KHDRBS2: variants seen among roughly 807,000 people sequenced by gnomAD.
KHDRBS2 encodes KH domain-containing, RNA-binding, signal transduction-associated protein 2.
In KHDRBS2, 26 loss-of-function variants were observed where a neutral mutation model predicts 44.3. That is an observed-to-expected ratio of 0.59 (90% confidence interval 0.43 to 0.81). The LOEUF (loss-of-function observed/expected upper bound fraction) is 0.81, where lower values mean the gene tolerates loss of function less well. KHDRBS2 is among the 40% of genes least tolerant of loss of function. The pLI is 0.00. For missense variants in KHDRBS2, 476 were observed against 433.1 expected, an observed-to-expected ratio of 1.10 and a Z score of -0.88; for synonymous variants, 194 against 151.1, an observed-to-expected ratio of 1.28 and a Z score of -2.08.
intron 2 of KHDRBS2, among the ~76,000 whole-genome samples, chr6:62,065,515 C>T (rs1298060229): frequency 6.6e-6 from 1 of 150,796 alleles, no homozygotes; most frequent in African/African-American, 2.4e-5. Flanking sequence ...TCATCATTCT[C>T]AGTAAACTAT....
At chr6:61,872,042 T>C (rs1447708549) in intron 6 of KHDRBS2, among the ~76,000 whole-genome samples, 1 of 152,020 alleles carries the variant, frequency 6.6e-6, no homozygotes, top group Non-Finnish European at 1.5e-5. Context: ...TGTATGCCTG[T>C]GTAACAAAAC....
Position 61,995,433 on chromosome 6 carries a change from T to A in KHDRBS2, c.337-17221A>T, listed in dbSNP as rs58317296. ...ATTGGCTCAGCTAGGCTTTGAAGAA[T>A]GTCTGGGATTTAAAAATGAGCAGGG... On this transcript the variant is annotated intron_variant, in intron 3 of 8. Coordinates refer to ENST00000281156, the MANE Select transcript of KHDRBS2 (RefSeq NM_152688.4). Among the ~76,000 whole-genome samples, 538 of 152,252 alleles carry A rather than the reference T, an allele frequency of 3.5e-3. 3 individuals are homozygous for A. Among genetic ancestry groups the A allele is most frequent in the African/African-American group, 0.013 (520 of 41,532 alleles).
the KHDRBS2 span, among the ~76,000 whole-genome samples, chr6:61,636,291 G>T: frequency 6.6e-6 from 1 of 151,920 alleles, no homozygotes; most frequent in African/African-American, 2.4e-5. Context: ...ACTGTATCAG[G>T]TTTTATTTAC....
At chr6:62,255,923 G>C (rs1346543295) in intron 1 of KHDRBS2, among the ~76,000 whole-genome samples, 1 of 151,816 alleles carries the variant, frequency 6.6e-6, no homozygotes, top group African/African-American at 2.4e-5. Flanking sequence ...CTTGAGGTCA[G>C]GAGTTCCACA....
the KHDRBS2 span, among the ~76,000 whole-genome samples, chr6:61,634,488 T>G: frequency 6.6e-6 from 1 of 151,948 alleles, no homozygotes; most frequent in Admixed American, 6.6e-5. Context: ...CCTGTGGTGT[T>G]GCATTGCTCT....
At chr6:62,031,932 C>G (rs1784406333) in intron 3 of KHDRBS2, among the ~76,000 whole-genome samples, 1 of 152,056 alleles carries the variant, frequency 6.6e-6, no homozygotes, top group Non-Finnish European at 1.5e-5. Context: ...TAGGCAAGAT[C>G]TAGCACCTTG....
intron 6 of KHDRBS2, among the ~76,000 whole-genome samples, chr6:61,739,569 T>C (rs183573118): frequency 3.3e-4 from 50 of 152,072 alleles, no homozygotes; most frequent in African/African-American, 1.1e-3. Context: ...CAATTTTGTG[T>C]TCCATTTACA....
intron 1 of KHDRBS2, among the ~76,000 whole-genome samples, chr6:62,271,738 AAAT>A (rs937590080): frequency 1.3e-5 from 2 of 152,040 alleles, no homozygotes; most frequent in Non-Finnish European, 2.9e-5. Flanking sequence ...AAGAGTAAAA[AAAT>A]AATAATAATA....
At chr6:61,555,211 A>AT in the KHDRBS2 span, among the ~76,000 whole-genome samples, 1 of 151,740 alleles carries the variant, frequency 6.6e-6, no homozygotes, top group Non-Finnish European at 1.5e-5. Flanking sequence ...CAACTTTATT[A>AT]TTTTTTTTCT....
At chr6:62,248,869 T>A (rs1836060631) in intron 1 of KHDRBS2, among the ~76,000 whole-genome samples, 1 of 151,974 alleles carries the variant, frequency 6.6e-6, no homozygotes, top group African/African-American at 2.4e-5. Context: ...TCAACAAACA[T>A]AGATAGTAAA....
intron 1 of KHDRBS2, among the ~76,000 whole-genome samples, chr6:62,260,683 T>C (rs578162893): frequency 6.6e-6 from 1 of 152,086 alleles, no homozygotes; most frequent in South Asian, 2.1e-4. Context: ...TAGATAAATA[T>C]ATCTAACTCC....
intron 4 of KHDRBS2, among the ~76,000 whole-genome samples, chr6:61,930,546 G>GAAA (rs1439236595): frequency 6.3e-5 from 3 of 47,578 alleles, no homozygotes; most frequent in Non-Finnish European, 8.5e-5. Context: ...AAAAAAAAAA[G>GAAA]AAAAAAAAAA....
intron 6 of KHDRBS2, among the ~76,000 whole-genome samples, chr6:61,768,638 G>A (rs1780359592): frequency 6.6e-6 from 1 of 151,770 alleles, no homozygotes; most frequent in African/African-American, 2.4e-5. Flanking sequence ...CAGTTATGCT[G>A]CTAGGAGACT....
At chr6:61,619,052 T>TA in the KHDRBS2 span, among the ~76,000 whole-genome samples, 1 of 152,198 alleles carries the variant, frequency 6.6e-6, no homozygotes, top group South Asian at 2.1e-4. Flanking sequence ...TAGGCCATTT[T>TA]AAAAAATAAT....
chr6:61,554,679 A>G, the KHDRBS2 span, among the ~76,000 whole-genome samples: 5 of 152,156 alleles, frequency 3.3e-5, no homozygotes, highest in African/African-American at 1.2e-4. Context: ...CCCTCCCTTC[A>G]GGACCTCTTG....
chr6:61,699,991 A>T (rs1360833403), intron 7 of KHDRBS2, among the ~76,000 whole-genome samples: 1 of 151,994 alleles, frequency 6.6e-6, no homozygotes, highest in Admixed American at 6.6e-5. Context: ...CATGATAAAA[A>T]TGATGCAACC....
At chr6:61,898,665 C>T (rs1480934914) in intron 5 of KHDRBS2, among the ~76,000 whole-genome samples, 1 of 151,862 alleles carries the variant, frequency 6.6e-6, no homozygotes, top group Non-Finnish European at 1.5e-5. Context: ...AGTGGGAGAA[C>T]TAGGATTTAG....
chr6:61,899,976 A>G (rs1803673052), intron 5 of KHDRBS2, among the ~76,000 whole-genome samples: 1 of 151,974 alleles, frequency 6.6e-6, no homozygotes, highest in African/African-American at 2.4e-5. Context: ...ACAACCCATA[A>G]AAAAGTACAG....
chr6:61,970,344 A>C (rs1771092098), intron 4 of KHDRBS2, among the ~76,000 whole-genome samples: 1 of 152,014 alleles, frequency 6.6e-6, no homozygotes, highest in African/African-American at 2.4e-5. Flanking sequence ...TTTCAAATGC[A>C]TTTAAAAAAA....
Sources: allele counts gnomAD v4.1 joint callset (sites outside exome capture counted in the v4.1 genomes callset), GRCh38; gene constraint gnomAD v4.1.1; transcripts MANE v1.5; gene names NCBI Gene and HGNC (gene_info 2026-07-23, HGNC 2026-07-21).